The following DLGAP1 variants were observed in gnomAD, a reference collection of about 807,000 sequenced individuals.
DLGAP1 encodes the protein disks large-associated protein 1.
A neutral mutation model predicts 90.8 loss-of-function variants in DLGAP1; 11 were observed. The observed-to-expected ratio is 0.12, with a 90% CI of 0.08 to 0.20. The LOEUF (loss-of-function observed/expected upper bound fraction) is 0.20, where lower values mean the gene tolerates loss of function less well. DLGAP1 is among the 10% of genes least tolerant of loss of function. DLGAP1 has a pLI of 1.00. For missense variants in DLGAP1, 1,050 were observed against 1,333.8 expected, an observed-to-expected ratio of 0.79 and a Z score of 3.31; for synonymous variants, 558 against 540.7, an observed-to-expected ratio of 1.03 and a Z score of -0.44.
chr18:3,654,108 C>T (rs2059403260), intron 7 of DLGAP1: 1 of 152,258 alleles, frequency 6.6e-6, no homozygotes, highest in African/African-American at 2.4e-5. Flanking sequence ...ACAGCATGCT[C>T]CCGAGCCTCA....
intron 2 of DLGAP1, among the ~76,000 whole-genome samples, chr18:4,062,000 T>C (rs1236072655): frequency 1.3e-5 from 2 of 152,168 alleles, no homozygotes; most frequent in Non-Finnish European, 2.9e-5. Flanking sequence ...TATCACTCTT[T>C]TGGAAAACTA....
At chr18:3,666,882 T>C (rs911237059) in intron 7 of DLGAP1, among the ~76,000 whole-genome samples, 1 of 151,982 alleles carries the variant, frequency 6.6e-6, no homozygotes, top group African/African-American at 2.4e-5. Context: ...TCAGCCTCCG[T>C]AGTAGCTGCA....
intron 4 of DLGAP1, among the ~76,000 whole-genome samples, chr18:3,851,461 G>C (rs779789807): frequency 3.9e-5 from 6 of 152,168 alleles, no homozygotes; most frequent in Non-Finnish European, 7.4e-5. Context: ...TGTAGCAGCA[G>C]CAAAGGAAGC....
intron 2 of DLGAP1, among the ~76,000 whole-genome samples, chr18:4,037,379 T>G (rs1368656125): frequency 2.0e-5 from 3 of 152,164 alleles, no homozygotes; most frequent in Non-Finnish European, 4.4e-5. Context: ...ACATAACCAG[T>G]GAGTTTAACT....
chr18:3,739,519 C>T (rs1202048024), intron 6 of DLGAP1, among the ~76,000 whole-genome samples: 54 of 147,192 alleles, frequency 3.7e-4, no homozygotes, highest in Admixed American at 1.3e-3. Context: ...AGTAAACTAT[C>T]GCAAGAACAA....
At chr18:3,704,017 A>T (rs1489669705) in intron 7 of DLGAP1, among the ~76,000 whole-genome samples, 1 of 152,232 alleles carries the variant, frequency 6.6e-6, no homozygotes, top group African/African-American at 2.4e-5. Flanking sequence ...GCTGCTTTGT[A>T]AAACCATAAG....
At chr18:3,630,809 T>A (rs1299222245) in intron 7 of DLGAP1, among the ~76,000 whole-genome samples, 1 of 152,084 alleles carries the variant, frequency 6.6e-6, no homozygotes, top group Admixed American at 6.5e-5. Flanking sequence ...ATCCTCTAAT[T>A]TTGCTGCTTT....
At chr18:4,374,488 T>A (rs2081977137) in intron 1 of DLGAP1, among the ~76,000 whole-genome samples, 1 of 152,004 alleles carries the variant, frequency 6.6e-6, no homozygotes, top group South Asian at 2.1e-4. Context: ...ATGGCATAAC[T>A]AAGGGTAAAC....
intron 2 of DLGAP1, among the ~76,000 whole-genome samples, chr18:4,138,382 T>C (rs1220766833): frequency 1.3e-5 from 2 of 152,060 alleles, no homozygotes; most frequent in Non-Finnish European, 2.9e-5. Flanking sequence ...GATCATAAGG[T>C]TTTTGTCCTT....
intron 1 of DLGAP1, among the ~76,000 whole-genome samples, chr18:4,156,656 G>C (rs1274456622): frequency 6.6e-6 from 1 of 152,054 alleles, no homozygotes. Flanking sequence ...ATTTTTGTTT[G>C]GATAGGAGAT....
At chr18:4,005,792 G>T (rs2074289533) in intron 2 of DLGAP1, among the ~76,000 whole-genome samples, 1 of 152,158 alleles carries the variant, frequency 6.6e-6, no homozygotes, top group Admixed American at 6.5e-5. Flanking sequence ...TCAAAATCCA[G>T]TTTCTCACTC....
chr18:3,504,315 A>C (rs1015887059), intron 11 of DLGAP1, among the ~76,000 whole-genome samples: 1 of 152,162 alleles, frequency 6.6e-6, no homozygotes. Context: ...ACAAACTTTA[A>C]AACTTATTTT....
intron 9 of DLGAP1, among the ~76,000 whole-genome samples, chr18:3,564,049 T>C (rs1430997142): frequency 6.6e-6 from 1 of 152,242 alleles, no homozygotes; most frequent in Non-Finnish European, 1.5e-5. Context: ...AATTCCAACA[T>C]TCCTGCCATA....
intron 1 of DLGAP1, among the ~76,000 whole-genome samples, chr18:4,172,312 T>C (rs2077038956): frequency 1.3e-5 from 2 of 152,226 alleles, no homozygotes; most frequent in South Asian, 4.1e-4. Flanking sequence ...TTTGAAATAA[T>C]TTTTCTGTTC....
chr18:4,118,517 T>C (rs545969799), intron 2 of DLGAP1, among the ~76,000 whole-genome samples: 18 of 152,290 alleles, frequency 1.2e-4, no homozygotes, highest in African/African-American at 4.1e-4. Context: ...GAATAGAAGT[T>C]AGGTGGAGGA....
chr18:3,707,103 T>C (rs2061457895), intron 7 of DLGAP1, among the ~76,000 whole-genome samples: 1 of 152,226 alleles, frequency 6.6e-6, no homozygotes, highest in Non-Finnish European at 1.5e-5. Flanking sequence ...AGCCAAGATC[T>C]AGTATTTGTT....
intron 7 of DLGAP1, among the ~76,000 whole-genome samples, chr18:3,589,955 G>A (rs1303722968): frequency 6.6e-6 from 1 of 152,198 alleles, no homozygotes; most frequent in Non-Finnish European, 1.5e-5. Context: ...TTGTTGCCCA[G>A]GCTGGAGCGC....
chr18:3,807,415 T>C (rs989576677), intron 5 of DLGAP1, among the ~76,000 whole-genome samples: 4 of 152,214 alleles, frequency 2.6e-5, no homozygotes, highest in African/African-American at 7.2e-5. Flanking sequence ...ATTTGATTGA[T>C]AGGTAACCTT....
intron 5 of DLGAP1, among the ~76,000 whole-genome samples, chr18:3,784,771 T>C (rs541812445): frequency 1.2e-4 from 19 of 152,316 alleles, no homozygotes; most frequent in African/African-American, 4.6e-4. Context: ...AAAACTGTAT[T>C]GAGAAAACAA....
Sources: gnomAD v4.1 joint callset for allele counts (sites outside exome capture counted in the v4.1 genomes callset) on GRCh38, gnomAD v4.1.1 for gene constraint, MANE v1.5 for transcripts, NCBI Gene and HGNC (gene_info 2026-07-23, HGNC 2026-07-21) for gene names.